CAMK1D: variants seen among roughly 807,000 people sequenced by gnomAD.
CAMK1D encodes calcium/calmodulin-dependent protein kinase type 1D.
A neutral mutation model predicts 47.7 loss-of-function variants in CAMK1D; 9 were observed. The observed-to-expected ratio is 0.19, with a 90% confidence interval of 0.11 to 0.33. The LOEUF is 0.33. CAMK1D is among the 10% of genes least tolerant of loss of function. The probability of loss-of-function intolerance (pLI) is 1.00; values close to 1 mark genes in which losing one functional copy is unlikely to be tolerated. For missense variants in CAMK1D, 291 were observed against 488.7 expected (o/e 0.60, Z 3.81); for synonymous variants, 184 against 184.9 (o/e 0.99, Z 0.04).
intron 1 of CAMK1D, among the ~76,000 whole-genome samples, chr10:12,463,552 T>C (rs780097296): frequency 1.4e-4 from 21 of 152,236 alleles, no homozygotes; most frequent in Non-Finnish European, 1.8e-4. Context: ...CTTATCTTTT[T>C]AAGTAAACAT....
intron 2 of CAMK1D, among the ~76,000 whole-genome samples, chr10:12,584,530 GC>G (rs1458649991): frequency 1.1e-4 from 17 of 152,168 alleles, no homozygotes; most frequent in African/African-American, 4.1e-4. Flanking sequence ...ACTCAGAAAG[GC>G]CCAGTAGGCT....
At chr10:12,600,232 T>C (rs1028428198) in intron 2 of CAMK1D, among the ~76,000 whole-genome samples, 2 of 152,192 alleles carry the variant, frequency 1.3e-5, no homozygotes, top group Non-Finnish European at 2.9e-5. Flanking sequence ...TGACTCCAGT[T>C]CCCCGCTTCT....
intron 1 of CAMK1D, among the ~76,000 whole-genome samples, chr10:12,453,335 G>A (rs576424435): frequency 1.3e-5 from 2 of 151,870 alleles, no homozygotes; most frequent in African/African-American, 4.8e-5. Context: ...GATTACAGGC[G>A]CCTGCCACCA....
intron 1 of CAMK1D, among the ~76,000 whole-genome samples, chr10:12,352,988 C>T (rs531412715): frequency 1.7e-4 from 26 of 152,214 alleles, no homozygotes; most frequent in East Asian, 7.8e-4. Context: ...CCGCCTGCCT[C>T]GGCCTCCCAA....
At chr10:12,488,231 G>A (rs1041623757) in intron 1 of CAMK1D, among the ~76,000 whole-genome samples, 3 of 152,094 alleles carry the variant, frequency 2.0e-5, no homozygotes, top group Non-Finnish European at 2.9e-5. Flanking sequence ...CCCTGAAATC[G>A]CAGAGGTGGG....
intron 2 of CAMK1D, among the ~76,000 whole-genome samples, chr10:12,624,668 C>A (rs1184531770): frequency 1.3e-5 from 2 of 152,202 alleles, no homozygotes; most frequent in African/African-American, 2.4e-5. Context: ...CACCTCTTGG[C>A]TACTGTGAAC....
intron 3 of CAMK1D, among the ~76,000 whole-genome samples, chr10:12,722,631 T>C (rs1834445506): frequency 6.6e-6 from 1 of 152,090 alleles, no homozygotes; most frequent in Non-Finnish European, 1.5e-5. Context: ...GGGCACACAA[T>C]AGCCATTTGG....
chr10:12,773,769 C>T (rs1305218610), intron 5 of CAMK1D, among the ~76,000 whole-genome samples: 1 of 152,174 alleles, frequency 6.6e-6, no homozygotes. Flanking sequence ...TGGCAGGCGC[C>T]TGTAATCCCA....
intron 1 of CAMK1D, among the ~76,000 whole-genome samples, chr10:12,433,171 T>G (rs917782753): frequency 6.6e-6 from 1 of 152,174 alleles, no homozygotes; most frequent in Non-Finnish European, 1.5e-5. Context: ...GCTGTTCTCC[T>G]TTTAGAGATT....
intron 1 of CAMK1D, among the ~76,000 whole-genome samples, chr10:12,406,854 T>C (rs1477451988): frequency 6.6e-6 from 1 of 151,874 alleles, no homozygotes; most frequent in South Asian, 2.1e-4. Flanking sequence ...ATGTGGGCTA[T>C]TCTAGCTCTT....
Position 12,588,787 on chromosome 10 carries a change from TATACAC to T in CAMK1D, c.224+35433_224+35438del, listed in dbSNP as rs1220689456. Among the ~76,000 whole-genome samples, 10 of 149,832 alleles carry T rather than the reference TATACAC, an allele frequency of 6.7e-5. No individual in the cohort carries two copies. The South Asian group carries it at 1.1e-3, about 16-fold the overall frequency. On this transcript the variant is annotated intron_variant, in intron 2 of 10. Transcript: ENST00000619168. ...AATTTAAAGTGCATATGTATATATA[TATACAC>T]ACACACACACACACACATACACACA... is the stretch of plus-strand genomic sequence containing the variant.
chr10:12,404,230 A>G (rs1588448318), intron 1 of CAMK1D, among the ~76,000 whole-genome samples: 1 of 152,142 alleles, frequency 6.6e-6, no homozygotes, highest in Non-Finnish European at 1.5e-5. Flanking sequence ...TTTTTAGTAG[A>G]GGTAGGGTTT....
chr10:12,375,337 G>A lies in CAMK1D; in HGVS notation c.92+25427G>A, dbSNP rs370329839. On this transcript the variant is annotated intron_variant, in intron 1 of 10. Coordinates refer to ENST00000619168, the MANE Select transcript of CAMK1D (RefSeq NM_153498.4). ...TTGTTACTGATAAGTCCTTGAGAAC[G>A]TTCCCCCACTATTTTCTTCCTCTGG... is the stretch of plus-strand genomic sequence containing the variant. 1.4e-3 allele frequency among the ~76,000 whole-genome samples: 208 copies of A among 152,280 alleles called. 1 individual carries two copies. Among genetic ancestry groups the A allele is most frequent in the Non-Finnish European group, 2.5e-3 (170 of 68,006 alleles).
At position 12,825,618 on chromosome 10, in the gene CAMK1D, C is replaced by T. The variant is rs200236740; in HGVS notation, c.967C>T (p.His323Tyr). 222 of 1,613,540 alleles carry T rather than the reference C, an allele frequency of 1.4e-4. 1 individual carries two copies. Among genetic ancestry groups the T allele is most frequent in the Admixed American group, 8.9e-4 (53 of 59,858 alleles). The change falls in exon 10 of 11, where the codon CAC becomes TAC. Residue 323 changes from histidine to tyrosine, a missense_variant. By Grantham distance (83) the His-to-Tyr change is moderately conservative (BLOSUM62 2). This residue lies in a region of CAMK1D where 219 missense variants were observed against 424.3 expected (regional missense o/e 0.52). Transcript: ENST00000619168. ...TAVVRHMRKL[H>Y]LGSSLDSSNA... ...CGTCGTCAGACATATGAGAAAACTA[C>T]ACCTCGGCAGCAGCCTGGACAGTTC... is the stretch of plus-strand genomic sequence containing the variant.
In CAMK1D at chr10:12,767,360, A is replaced by G. The variant is rs1167740893; in HGVS notation, c.439-2313A>G. Reference sequence around the variant, plus strand: ...GCCTGGGTAATTTTGTATTTTTAGTAGAGACGGGGTTTCTCCATGTTGGTC... The same window carrying G: ...GCCTGGGTAATTTTGTATTTTTAGTGGAGACGGGGTTTCTCCATGTTGGTC... On this transcript the variant is annotated intron_variant, in intron 4 of 10. Transcript: ENST00000619168. Among the ~76,000 whole-genome samples, 11 of 152,056 alleles carry G rather than the reference A, an allele frequency of 7.2e-5. 1 individual carries two copies. The highest frequency in any genetic ancestry group is 6.6e-4 in the Admixed American group (10 of 15,250).
intron 6 of CAMK1D, among the ~76,000 whole-genome samples, chr10:12,800,086 C>T (rs1020898162): frequency 6.6e-6 from 1 of 152,186 alleles, no homozygotes; most frequent in Non-Finnish European, 1.5e-5. Flanking sequence ...GCCGGAGTCA[C>T]CCTCTGCATG....
chr10:12,532,545 C>T (rs1292007275), intron 1 of CAMK1D, among the ~76,000 whole-genome samples: 1 of 152,186 alleles, frequency 6.6e-6, no homozygotes, highest in Admixed American at 6.5e-5. Flanking sequence ...TCCCAAAGTG[C>T]TGGGATTACA....
intron 2 of CAMK1D, among the ~76,000 whole-genome samples, chr10:12,632,113 C>T (rs1839397660): frequency 6.6e-6 from 1 of 152,250 alleles, no homozygotes. Context: ...TAACCAACGT[C>T]TCATTCAACT....
At chr10:12,413,494 G>T (rs540581958) in intron 1 of CAMK1D, among the ~76,000 whole-genome samples, 17 of 152,404 alleles carry the variant, frequency 1.1e-4, no homozygotes, top group Non-Finnish European at 2.5e-4. Flanking sequence ...TGATGATGGC[G>T]ATGATGACAG....
Sources: gnomAD v4.1 joint callset for allele counts (sites outside exome capture counted in the v4.1 genomes callset) on GRCh38, gnomAD v4.1.1 for gene constraint, gnomAD v4.1.1 regional missense constraint, MANE v1.5 for transcripts, NCBI Gene and HGNC (gene_info 2026-07-23, HGNC 2026-07-21) for gene names.